ASIP: variants seen among roughly 807,000 people sequenced by gnomAD.
ASIP encodes the protein agouti-signaling protein.
ASIP carries 11 observed loss-of-function variants against 10.3 expected under a neutral mutation model. The observed-to-expected ratio is 1.07, with a 90% CI of 0.68 to 1.78. The LOEUF (loss-of-function observed/expected upper bound fraction) is 1.78, where lower values mean the gene tolerates loss of function less well. Ranked by LOEUF, ASIP falls within the 40% of genes most tolerant of loss-of-function variation. The pLI is 0.00. For missense variants in ASIP, 180 were observed against 169.2 expected (o/e 1.06, Z -0.35); for synonymous variants, 70 against 70.8 (o/e 0.99, Z 0.06).
intron 1 of ASIP, among the ~76,000 whole-genome samples, chr20:34,218,243 T>C (rs2035022603): frequency 6.6e-6 from 1 of 152,148 alleles, no homozygotes; most frequent in Admixed American, 6.5e-5. Context: ...ATTGCGAGCA[T>C]GGAGGTTTGG....
chr20:34,203,196 A>T (rs1219384435), intron 1 of ASIP, among the ~76,000 whole-genome samples: 5 of 152,058 alleles, frequency 3.3e-5, no homozygotes, highest in Non-Finnish European at 7.4e-5. Context: ...GATTACATTA[A>T]ATCTGTCCAT....
chr20:34,187,960 A>G, the ASIP span, among the ~76,000 whole-genome samples: 1 of 152,220 alleles, frequency 6.6e-6, no homozygotes, highest in African/African-American at 2.4e-5. Context: ...TCTGCTGTGT[A>G]TGGCATTTCC....
At chr20:34,234,647 C>G (rs922557538) in intron 1 of ASIP, among the ~76,000 whole-genome samples, 2 of 151,924 alleles carry the variant, frequency 1.3e-5, no homozygotes, top group Non-Finnish European at 2.9e-5. Flanking sequence ...ACTAAAAATA[C>G]AAAAATTCGC....
chr20:34,235,885 G>GCGGGAGGGAGGGAA lies in ASIP; in HGVS notation c.-10-24480_-10-24479insCGGGAGGGAGGGAA, dbSNP rs1568756330. Among the ~76,000 whole-genome samples the GCGGGAGGGAGGGAA allele has an allele frequency of 4.3e-4, 44 of 101,868 alleles. 1 individual carries two copies. The highest frequency in any genetic ancestry group is 1.2e-3 in the East Asian group (4 of 3,294). 66.8% of individuals were successfully genotyped at this position (101,868 alleles called of 152,430 possible). ...GGAAGGAAAGGAAGGAAGGAAGGAA[G>GCGGGAGGGAGGGAA]GAAGGAAGGAAGGAAAGGAAGGAAG... On this transcript the variant is annotated intron_variant, in intron 1 of 3. Transcript: ENST00000568305.
chr20:34,198,954 A>T (rs1048165528), intron 1 of ASIP, among the ~76,000 whole-genome samples: 1 of 152,020 alleles, frequency 6.6e-6, no homozygotes, highest in Non-Finnish European at 1.5e-5. Flanking sequence ...TTTCTTACCA[A>T]AGTTAGTCAC....
At chr20:34,215,699 T>C in intron 1 of ASIP, 1 of 1,439,862 alleles carries the variant, frequency 6.9e-7, no homozygotes, top group Non-Finnish European at 9.8e-7. Flanking sequence ...ATATTTGTAT[T>C]TAACTTGATG....
intron 1 of ASIP, among the ~76,000 whole-genome samples, chr20:34,211,628 T>TC (rs756465516): frequency 6.6e-6 from 1 of 152,362 alleles, no homozygotes; most frequent in Non-Finnish European, 1.5e-5. Context: ...TCTGAAATTG[T>TC]CTTTATTTCC....
chr20:34,232,280 C>T (rs2035126815), intron 1 of ASIP, among the ~76,000 whole-genome samples: 1 of 152,192 alleles, frequency 6.6e-6, no homozygotes, highest in Admixed American at 6.5e-5. Flanking sequence ...ACCTTACATT[C>T]TTGGTATACT....
chr20:34,213,333 T>C (rs1365309288), intron 1 of ASIP, among the ~76,000 whole-genome samples: 1 of 152,172 alleles, frequency 6.6e-6, no homozygotes, highest in Non-Finnish European at 1.5e-5. Flanking sequence ...ACCCAGTCTG[T>C]GGTATGCTTT....
intron 1 of ASIP, among the ~76,000 whole-genome samples, chr20:34,196,265 T>C (rs946304491): frequency 2.7e-3 from 393 of 146,902 alleles, no homozygotes; most frequent in African/African-American, 5.8e-3. Context: ...CTGCAAGCTC[T>C]GCCTCCCGGG....
intron 3 of ASIP, 39 bp from the exon 4 acceptor site, chr20:34,268,952 G>C: frequency 6.4e-7 from 1 of 1,565,056 alleles, no homozygotes; most frequent in Non-Finnish European, 8.7e-7. Context: ...GGAGGGGTGG[G>C]CGTGGCCGGC....
intron 1 of ASIP, among the ~76,000 whole-genome samples, chr20:34,203,084 A>G (rs896035113): frequency 1.3e-5 from 2 of 151,992 alleles, no homozygotes; most frequent in East Asian, 3.9e-4. Flanking sequence ...CTGGGATTAC[A>G]GGCGTGAGCC....
intron 1 of ASIP, among the ~76,000 whole-genome samples, chr20:34,197,999 G>C (rs1041909835): frequency 6.6e-6 from 1 of 152,012 alleles, no homozygotes; most frequent in Non-Finnish European, 1.5e-5. Flanking sequence ...CTGGGGAAGA[G>C]AGAATGGGGT....
At chr20:34,218,272 A>T (rs1462894387) in intron 1 of ASIP, among the ~76,000 whole-genome samples, 1 of 152,180 alleles carries the variant, frequency 6.6e-6, no homozygotes, top group Non-Finnish European at 1.5e-5. Context: ...TTATGAGGGT[A>T]AAAAACTCCC....
chr20:34,190,845 AG>A (rs2034820602), upstream of ASIP, among the ~76,000 whole-genome samples: 1 of 152,182 alleles, frequency 6.6e-6, no homozygotes, highest in Admixed American at 6.5e-5. Flanking sequence ...GAGCAATCCC[AG>A]TCCTGCATGC....
chr20:34,253,398 G>A (rs1051927302), intron 1 of ASIP, among the ~76,000 whole-genome samples: 22 of 150,608 alleles, frequency 1.5e-4, no homozygotes, highest in African/African-American at 3.9e-4. Context: ...GAGCCACCGC[G>A]CCCAGCCTGA....
intron 1 of ASIP, among the ~76,000 whole-genome samples, chr20:34,226,280 A>G (rs1327552239): frequency 6.6e-6 from 1 of 152,258 alleles, no homozygotes. Context: ...ACAGACTAAA[A>G]AAGAAAAGCT....
intron 3 of ASIP, among the ~76,000 whole-genome samples, chr20:34,265,811 A>G (rs1435018184): frequency 6.6e-6 from 1 of 151,614 alleles, no homozygotes; most frequent in Non-Finnish European, 1.5e-5. Context: ...TTAGCTGGGT[A>G]TGGTGCTGCA....
In ASIP at chr20:34,204,323, C is replaced by T. The variant is rs936158794; in HGVS notation, c.-11+9563C>T. ...GCAACCTCCGCCTCGTGGGTTAAAGCGATTCTCCTGCCTCAGCCTTCCGAG... is the reference window on the plus strand; with the variant it reads ...GCAACCTCCGCCTCGTGGGTTAAAGTGATTCTCCTGCCTCAGCCTTCCGAG... On this transcript the variant is annotated intron_variant, in intron 1 of 3. Transcript: ENST00000568305. Among the ~76,000 whole-genome samples the T allele has an allele frequency of 3.2e-4, 49 of 151,316 alleles. 1 individual carries two copies. The highest frequency in any genetic ancestry group is 6.9e-3 in the Middle Eastern group (2 of 288).
Sources: allele counts gnomAD v4.1 joint callset (sites outside exome capture counted in the v4.1 genomes callset), GRCh38; gene constraint gnomAD v4.1.1; transcripts MANE v1.5; gene names NCBI Gene and HGNC (gene_info 2026-07-23, HGNC 2026-07-21).